The following DPP10 variants were observed in gnomAD, a reference collection of about 807,000 sequenced individuals.
The protein encoded by DPP10 is inactive dipeptidyl peptidase 10.
DPP10 carries 33 observed loss-of-function variants against 120.9 expected under a neutral mutation model. That is an observed-to-expected ratio of 0.27 (90% confidence interval 0.21 to 0.37). DPP10 has a LOEUF of 0.37. Among genes scored for constraint, DPP10 ranks in the 10% least tolerant of loss-of-function variants. The probability of loss-of-function intolerance (pLI) is 1.00; values close to 1 mark genes in which losing one functional copy is unlikely to be tolerated. For missense variants in DPP10, 816 were observed against 942.8 expected, an observed-to-expected ratio of 0.87 and a Z score of 1.76; for synonymous variants, 337 against 326.1, an observed-to-expected ratio of 1.03 and a Z score of -0.36.
At chr2:115,004,839 G>C (rs1701700535) in intron 1 of DPP10, among the ~76,000 whole-genome samples, 1 of 152,172 alleles carries the variant, frequency 6.6e-6, no homozygotes, top group Non-Finnish European at 1.5e-5. Context: ...AAAGCAGCCG[G>C]GAAGCTTGAA....
chr2:115,723,343 C>T (rs2092690709), intron 7 of DPP10, among the ~76,000 whole-genome samples: 1 of 152,112 alleles, frequency 6.6e-6, no homozygotes, highest in African/African-American at 2.4e-5. Flanking sequence ...CTTTGGTTTT[C>T]TCTCTTGCTT....
At chr2:115,539,713 T>G (rs1239921997) in intron 5 of DPP10, among the ~76,000 whole-genome samples, 1 of 151,942 alleles carries the variant, frequency 6.6e-6, no homozygotes, top group African/African-American at 2.4e-5. Flanking sequence ...GCAGTAGACT[T>G]TGTTCCATGT....
Position 114,636,378 on chromosome 2 carries a change from G to A in DPP10, c.60+193540G>A, listed in dbSNP as rs115725891. On this transcript the variant is annotated intron_variant, in intron 1 of 25. Transcript: ENST00000410059. ...TTGGCATTTTCTCCTGCCTGCAGGC[G>A]AGTGGCCTTGAAAAATACCTTGATT... Among the ~76,000 whole-genome samples the A allele has an allele frequency of 1.2e-3, 189 of 152,058 alleles. 2 individuals carry two copies. The highest frequency in any genetic ancestry group is 6.8e-3 in the Middle Eastern group (2 of 294).
intron 5 of DPP10, among the ~76,000 whole-genome samples, chr2:115,615,121 C>A (rs747339927): frequency 4.6e-5 from 7 of 151,832 alleles, no homozygotes; most frequent in African/African-American, 7.3e-5. Flanking sequence ...TACATTATAC[C>A]TACTTTAATT....
chr2:115,524,114 C>A (rs545164029), intron 4 of DPP10, among the ~76,000 whole-genome samples: 2 of 152,208 alleles, frequency 1.3e-5, no homozygotes, highest in South Asian at 4.1e-4. Context: ...TTCTCTGATA[C>A]CAATTGAGTG....
At chr2:115,558,781 A>G (rs1024149362) in intron 5 of DPP10, among the ~76,000 whole-genome samples, 7 of 152,174 alleles carry the variant, frequency 4.6e-5, no homozygotes, top group Admixed American at 2.6e-4. Context: ...ACAAATAGGT[A>G]ATTTTTATGA....
intron 19 of DPP10, among the ~76,000 whole-genome samples, chr2:115,809,479 A>C (rs1367088495): frequency 2.0e-5 from 3 of 152,228 alleles, no homozygotes; most frequent in African/African-American, 7.2e-5. Context: ...ATTATGCTTC[A>C]GAATATAAGG....
chr2:115,683,772 A>C (rs1326645869), intron 5 of DPP10, among the ~76,000 whole-genome samples: 1 of 151,946 alleles, frequency 6.6e-6, no homozygotes, highest in Non-Finnish European at 1.5e-5. Flanking sequence ...GCCACTTACC[A>C]AAATGGTGGT....
chr2:115,200,870 GT>G (rs1208830804), intron 1 of DPP10, among the ~76,000 whole-genome samples: 9 of 152,124 alleles, frequency 5.9e-5, no homozygotes, highest in Admixed American at 4.6e-4. Context: ...CATATTTGCA[GT>G]TCCTGAAGAC....
chr2:115,669,602 C>A (rs1008593641), intron 5 of DPP10, among the ~76,000 whole-genome samples: 2 of 152,048 alleles, frequency 1.3e-5, no homozygotes, highest in African/African-American at 2.4e-5. Context: ...ATTTTGGTCA[C>A]ACTTAAGACA....
intron 5 of DPP10, among the ~76,000 whole-genome samples, chr2:115,569,416 A>T (rs1270912732): frequency 1.3e-5 from 2 of 152,224 alleles, no homozygotes; most frequent in African/African-American, 4.8e-5. Flanking sequence ...TTAAGTAATT[A>T]CAATTCTGTG....
At chr2:115,620,249 G>A (rs1868325) in intron 5 of DPP10, among the ~76,000 whole-genome samples, 1 of 152,010 alleles carries the variant, frequency 6.6e-6, no homozygotes. Context: ...TTACACACAC[G>A]CCCACACATT....
At chr2:115,026,025 A>G (rs923664062) in intron 1 of DPP10, among the ~76,000 whole-genome samples, 2 of 152,112 alleles carry the variant, frequency 1.3e-5, no homozygotes, top group African/African-American at 4.8e-5. Context: ...TTTTAGCTTG[A>G]TGTGATCCCA....
chr2:114,779,769 T>C (rs1682120729), intron 1 of DPP10, among the ~76,000 whole-genome samples: 1 of 152,146 alleles, frequency 6.6e-6, no homozygotes, highest in Non-Finnish European at 1.5e-5. Flanking sequence ...TCAGGTGGGA[T>C]TTAGATATTT....
At chr2:114,674,133 G>T (rs1161524491) in intron 1 of DPP10, among the ~76,000 whole-genome samples, 1 of 151,872 alleles carries the variant, frequency 6.6e-6, no homozygotes, top group Non-Finnish European at 1.5e-5. Flanking sequence ...GAAGAAAAAA[G>T]ACTTTACATG....
chr2:114,829,908 C>T (rs1686932702), intron 1 of DPP10, among the ~76,000 whole-genome samples: 1 of 152,120 alleles, frequency 6.6e-6, no homozygotes, highest in South Asian at 2.1e-4. Context: ...TCCTTTTCCA[C>T]TTCCACGTCC....
At chr2:115,485,723 G>C (rs891728740) in intron 3 of DPP10, among the ~76,000 whole-genome samples, 3 of 152,042 alleles carry the variant, frequency 2.0e-5, no homozygotes, top group Non-Finnish European at 2.9e-5. Context: ...CTGTTGTTTA[G>C]ATGTATGAAT....
At chr2:114,751,475 T>A (rs961215426) in intron 1 of DPP10, among the ~76,000 whole-genome samples, 2 of 152,036 alleles carry the variant, frequency 1.3e-5, no homozygotes, top group Non-Finnish European at 2.9e-5. Flanking sequence ...ATCTAGGGAG[T>A]CTTGCCCTGC....
At chr2:114,583,953 C>A (rs565610983) in intron 1 of DPP10, among the ~76,000 whole-genome samples, 1 of 151,994 alleles carries the variant, frequency 6.6e-6, no homozygotes, top group Non-Finnish European at 1.5e-5. Flanking sequence ...ATTTTTGAAG[C>A]AAAAGTCCTT....
Sources: allele counts gnomAD v4.1 joint callset (sites outside exome capture counted in the v4.1 genomes callset), GRCh38; gene constraint gnomAD v4.1.1; transcripts MANE v1.5; gene names NCBI Gene and HGNC (gene_info 2026-07-23, HGNC 2026-07-21).